Variants in FBXO31 observed in about 807,000 individuals in gnomAD.
FBXO31 encodes F-box only protein 31.
In FBXO31, 24 loss-of-function variants were observed where a neutral mutation model predicts 54.4. The observed-to-expected ratio is 0.44, with a 90% CI of 0.32 to 0.62. The LOEUF is 0.62. FBXO31 is among the 20% of genes least tolerant of loss of function. The pLI is 0.05. For missense variants in FBXO31, 665 were observed against 787.1 expected, an observed-to-expected ratio of 0.84 and a Z score of 1.86; for synonymous variants, 388 against 335.6, an observed-to-expected ratio of 1.16 and a Z score of -1.71.
At chr16:87,389,361 G>A (rs1461551948) in intron 1 of FBXO31, among the ~76,000 whole-genome samples, 2 of 152,134 alleles carry the variant, frequency 1.3e-5, no homozygotes, top group Non-Finnish European at 2.9e-5. Flanking sequence ...TCAAAAACAC[G>A]CAGAGTAACC....
chr16:87,361,119 A>C (rs1906113678), intron 1 of FBXO31, among the ~76,000 whole-genome samples: 1 of 152,204 alleles, frequency 6.6e-6, no homozygotes, highest in African/African-American at 2.4e-5. Context: ...ACAACTACAG[A>C]ACTGCACATG....
chr16:87,387,260 C>A (rs560283153), upstream of FBXO31, among the ~76,000 whole-genome samples: 5 of 152,144 alleles, frequency 3.3e-5, no homozygotes, highest in Non-Finnish European at 7.3e-5. Flanking sequence ...CAGCTGAATA[C>A]GTCCTTGGAA....
rs981174189 is a variant in FBXO31 at position 87,346,858 on chromosome 16, G to C, written c.489+316C>G. The stretch of plus-strand genomic sequence containing the variant: ...CCAGGAACGGAAGGACCTGGCTGAG[G>C]GCGGGCTCCAGACCCCGCCAACATG... On this transcript the variant is annotated intron_variant, in intron 3 of 8. Transcript: ENST00000311635. This position sits in a 1 kb window ranked among gnomAD's most constrained non-coding sequence, Gnocchi z 4.2. 6.6e-6 allele frequency among the ~76,000 whole-genome samples: 1 copy of C among 152,184 alleles called. No homozygotes were observed. Among genetic ancestry groups the C allele is most frequent in the East Asian group, 1.9e-4 (1 of 5,182 alleles).
chr16:87,331,124 A>G lies in FBXO31; in HGVS notation c.*164T>C. ...ACTGACAAATATGCAGGTCTATGTC[A>G]CACTCTCTACATAAAGTGCTGGGGG... On this transcript the variant is annotated 3_prime_UTR_variant, in exon 9 of 9. Coordinates refer to ENST00000311635, the MANE Select transcript of FBXO31 (RefSeq NM_024735.5). The G allele has an allele frequency of 1.6e-6, 1 of 631,980 alleles. No individual in the cohort carries two copies. The highest frequency in any genetic ancestry group is 2.8e-6 in the Non-Finnish European group (1 of 358,570). 39.1% of individuals were successfully genotyped at this position (631,980 alleles called of 1,614,324 possible). A position where few individuals can be genotyped will look rare whatever the true frequency, so the allele number is the denominator to read the frequency against.
At position 87,360,307 on chromosome 16, in the gene FBXO31, C is replaced by T. The variant is rs778618544; in HGVS notation, c.400G>A (p.Val134Ile). The part of the protein sequence containing the change: ...LEITGVSCRD[V>I]YAKLLHRYRH... ...TAGATTCACTCACGCTTCGCATAGACGTCCCGACAAGACACGCCTGTGATC... is the reference window on the plus strand; with the variant it reads ...TAGATTCACTCACGCTTCGCATAGATGTCCCGACAAGACACGCCTGTGATC... Residue 134 changes from valine (V) to isoleucine (I), a missense_variant, in exon 2 of 9, where the codon GTC becomes ATC. Physicochemically the swap from Val to Ile is conservative, Grantham distance 29. Around this residue, in one of 4 missense-constraint regions of FBXO31, gnomAD observed 234 missense variants for 346.8 expected, o/e 0.67. Coordinates refer to ENST00000311635, the MANE Select transcript of FBXO31 (RefSeq NM_024735.5). 7.4e-6 allele frequency: 12 copies of T among 1,614,016 alleles called. No individual in the cohort carries two copies. The highest frequency in any genetic ancestry group is 1.1e-5 in the South Asian group (1 of 91,090).
At chr16:87,339,823 G>A (rs531129917) in intron 5 of FBXO31, among the ~76,000 whole-genome samples, 1 of 152,234 alleles carries the variant, frequency 6.6e-6, no homozygotes, top group South Asian at 2.1e-4. Flanking sequence ...CAAAATAGAA[G>A]AGGAATACAG....
At chr16:87,379,665 G>C (rs965468965) in intron 1 of FBXO31, among the ~76,000 whole-genome samples, 3 of 152,068 alleles carry the variant, frequency 2.0e-5, no homozygotes, top group Non-Finnish European at 2.9e-5. Flanking sequence ...TCATCCATCA[G>C]CCAGGGTCTG....
intron 1 of FBXO31, among the ~76,000 whole-genome samples, chr16:87,369,302 A>G (rs1906497008): frequency 6.6e-6 from 1 of 151,920 alleles, no homozygotes; most frequent in African/African-American, 2.4e-5. Flanking sequence ...GAACCTTTTC[A>G]TCTTCCCAGA....
rs376709355 is a variant in FBXO31 at position 87,335,469 on chromosome 16, G to T, written c.843-12C>A. ...AGGTCAGGCAGTTGCTGTGGGGAGCGGACGGGTCAGTACAGGAGACCTCGT... is the reference window on the plus strand; with the variant it reads ...AGGTCAGGCAGTTGCTGTGGGGAGCTGACGGGTCAGTACAGGAGACCTCGT... On this transcript the variant is annotated splice_polypyrimidine_tract_variant and intron_variant, in intron 6 of 8. Coordinates refer to ENST00000311635, the MANE Select transcript of FBXO31 (RefSeq NM_024735.5). This position sits in a 1 kb window ranked among gnomAD's most constrained non-coding sequence, Gnocchi z 5.7. The T allele has an allele frequency of 6.2e-7, 1 of 1,610,064 alleles. No homozygotes were observed. Among genetic ancestry groups the T allele is most frequent in the Non-Finnish European group, 8.5e-7 (1 of 1,179,264 alleles).
At chr16:87,375,884 C>A (rs1404921222) in intron 1 of FBXO31, among the ~76,000 whole-genome samples, 1 of 152,162 alleles carries the variant, frequency 6.6e-6, no homozygotes, top group Admixed American at 6.5e-5. Flanking sequence ...AAAGATTTAA[C>A]CCACCAGCTC....
chr16:87,378,960 TC>T (rs1906951419), intron 1 of FBXO31, among the ~76,000 whole-genome samples: 1 of 122,894 alleles, frequency 8.1e-6, no homozygotes, highest in East Asian at 2.3e-4. Flanking sequence ...AGACTCCATC[TC>T]AAAAAAAAAA....
Position 87,336,354 on chromosome 16 carries a change from CT to C in FBXO31, c.733-91del. ...TGCCGCTGAGAGGACACAGTGTGTC[CT>C]TCTTTGTCAGTGCACAGGCACCTGC... On this transcript the variant is annotated intron_variant, in intron 5 of 8. Coordinates refer to ENST00000311635, the MANE Select transcript of FBXO31 (RefSeq NM_024735.5). This position sits in a 1 kb window ranked among gnomAD's most constrained non-coding sequence, Gnocchi z 6.5. 5.0e-6 allele frequency: 6 copies of C among 1,191,956 alleles called. No individual in the cohort carries two copies. The highest frequency in any genetic ancestry group is 7.4e-6 in the Non-Finnish European group (6 of 812,898). The allele number at this position is 1,191,956 out of a possible 1,614,324, so 73.8% of individuals were successfully genotyped here. A position where few individuals can be genotyped will look rare whatever the true frequency, so the allele number is the denominator to read the frequency against.
intron 1 of FBXO31, among the ~76,000 whole-genome samples, chr16:87,375,716 C>T (rs191500910): frequency 1.3e-5 from 2 of 152,294 alleles, no homozygotes; most frequent in Admixed American, 1.3e-4. Flanking sequence ...AAGGGTCCCA[C>T]ACCCACCCTG....
In FBXO31 at chr16:87,350,493, G is replaced by A. The variant is rs113411513; in HGVS notation, c.413-3243C>T. On this transcript the variant is annotated intron_variant, in intron 2 of 8. Coordinates refer to ENST00000311635, the MANE Select transcript of FBXO31 (RefSeq NM_024735.5). Reference sequence around the variant, plus strand: ...ACTTTACGGTCACACCTAGACGGGTGTGTGATCAGGAACCATAAACACACA... The same window carrying A: ...ACTTTACGGTCACACCTAGACGGGTATGTGATCAGGAACCATAAACACACA... Among the ~76,000 whole-genome samples the A allele has an allele frequency of 2.7e-3, 416 of 152,302 alleles. 5 individuals are homozygous for A. Among genetic ancestry groups the A allele is most frequent in the Admixed American group, 4.8e-3 (74 of 15,292 alleles).
In FBXO31 at chr16:87,331,234, T is replaced by A. The variant is rs2150666345; in HGVS notation, c.*54A>T. 1 of 1,558,236 alleles carries A rather than the reference T, an allele frequency of 6.4e-7. No individual in the cohort carries two copies. The highest frequency in any genetic ancestry group is 2.3e-5 in the East Asian group (1 of 44,244). On this transcript the variant is annotated 3_prime_UTR_variant, in exon 9 of 9. Transcript: ENST00000311635. Reference sequence around the variant, plus strand: ...AGTGCATGCTGCTTCTATTCACAGGTCAGAGTTCAGAGCCCCAGAGCCACC... The same window carrying A: ...AGTGCATGCTGCTTCTATTCACAGGACAGAGTTCAGAGCCCCAGAGCCACC...
At chr16:87,387,808 G>A (rs1266992778), upstream of FBXO31, among the ~76,000 whole-genome samples, 1 of 151,990 alleles carries the variant, frequency 6.6e-6, no homozygotes, top group African/African-American at 2.4e-5. Context: ...GGGCGACAGA[G>A]AGAAAAAAAA....
chr16:87,342,709 G>A (rs935847867), intron 5 of FBXO31, among the ~76,000 whole-genome samples, 168 bp downstream of exon 5: 3 of 152,216 alleles, frequency 2.0e-5, no homozygotes, highest in Non-Finnish European at 2.9e-5. Context: ...GCTGTTCCTC[G>A]AGTGTGCCGG....
At position 87,358,447 on chromosome 16, in the gene FBXO31, A is replaced by C. The variant is rs1004545923; in HGVS notation, c.412+1848T>G. 1 of 152,666 alleles carries C rather than the reference A, an allele frequency of 6.6e-6. No homozygotes were observed. Among genetic ancestry groups the C allele is most frequent in the African/African-American group, 2.4e-5 (1 of 41,460 alleles). The allele number at this position is 152,666 out of a possible 1,614,324, so 9.5% of individuals were successfully genotyped here. ...ACGTCTCTGTACGCCATGTGCTCAT[A>C]ATCAGGGAGAATTTTCACAAAACGT... On this transcript the variant is annotated intron_variant, in intron 2 of 8. Transcript: ENST00000311635. This position sits in a 1 kb window ranked among gnomAD's most constrained non-coding sequence, Gnocchi z 4.0.
rs1251490884 is a variant in FBXO31, at chr16:87,331,303, C to A, written c.1605G>T (p.Gln535His). 1 of 1,613,946 alleles carries A rather than the reference C, an allele frequency of 6.2e-7. No individual in the cohort carries two copies. The highest frequency in any genetic ancestry group is 8.5e-7 in the Non-Finnish European group (1 of 1,179,948). ...QAFDEMLKNI[Q>H]SLTS The stretch of plus-strand genomic sequence containing the variant: ...ATGTGGCCGGTCAGGAGGTGAGGGA[C>A]TGAATGTTCTTGAGCATCTCATCGA... Residue 535 changes from glutamine to histidine, a missense_variant, in exon 9 of 9, where the codon CAG becomes CAT. Around this residue, in one of 4 missense-constraint regions of FBXO31, gnomAD observed 71 missense variants for 105.8 expected, o/e 0.67. Transcript: ENST00000311635.
Sources: gnomAD v4.1 joint callset for allele counts (sites outside exome capture counted in the v4.1 genomes callset) on GRCh38, gnomAD v4.1.1 for gene constraint, gnomAD v4.1.1 regional missense constraint, Gnocchi (gnomAD v3.1) non-coding constraint, MANE v1.5 for transcripts, NCBI Gene and HGNC (gene_info 2026-07-23, HGNC 2026-07-21) for gene names.